MARCHF1: variants seen among roughly 807,000 people sequenced by gnomAD.
The protein encoded by MARCHF1 is membrane associated ring-CH-type finger 1.
A neutral mutation model predicts 54.2 loss-of-function variants in MARCHF1; 40 were observed. The ratio of observed to expected loss-of-function variants is 0.74; its 90% CI spans 0.57 to 0.96. MARCHF1 has a LOEUF of 0.96. Ranked by LOEUF, MARCHF1 falls within the 40% of genes least tolerant of loss-of-function variation. The pLI is 0.00. For synonymous variants in MARCHF1, 236 were observed against 236.3 expected, an observed-to-expected ratio of 1.00 and a Z score of 0.01; for missense variants, 586 against 656.5, an observed-to-expected ratio of 0.89 and a Z score of 1.17.
At chr4:164,111,380 G>T (rs1235979876) in intron 2 of MARCHF1, among the ~76,000 whole-genome samples, 1 of 151,586 alleles carries the variant, frequency 6.6e-6, no homozygotes, top group Non-Finnish European at 1.5e-5. Flanking sequence ...TAGATACAAG[G>T]AAACAGAGTT....
At chr4:164,109,932 A>AAAAAAAAAAAAAAAAT (rs1755798645) in intron 2 of MARCHF1, among the ~76,000 whole-genome samples, 1 of 150,044 alleles carries the variant, frequency 6.7e-6, no homozygotes, top group Non-Finnish European at 1.5e-5. Flanking sequence ...AAAAAAAAAA[A>AAAAAAAAAAAAAAAAT]AAAAGAAAAT....
rs558957566 is a variant in MARCHF1 at position 163,837,667 on chromosome 4, A to G, written c.111+16354T>C. Among the ~76,000 whole-genome samples the G allele has an allele frequency of 3.5e-4, 54 of 152,338 alleles. No homozygotes were observed. The East Asian group carries it at 0.01, about 29-fold the overall frequency. On this transcript the variant is annotated intron_variant, in intron 4 of 9. Coordinates refer to ENST00000514618, the MANE Select transcript of MARCHF1 (RefSeq NM_001394959.1). ...TGCAACTAATACATAGCTTCAAAAT[A>G]TAAAGAAAACAAATTAACAAAATTA... is the stretch of plus-strand genomic sequence containing the variant.
chr4:164,348,393 C>T (rs1579741391), intron 1 of MARCHF1, among the ~76,000 whole-genome samples: 2 of 152,246 alleles, frequency 1.3e-5, no homozygotes, highest in South Asian at 2.1e-4. Flanking sequence ...TCTTTCACTT[C>T]TACATGAATG....
intron 1 of MARCHF1, among the ~76,000 whole-genome samples, chr4:164,281,612 G>A (rs562254111): frequency 6.6e-6 from 1 of 152,250 alleles, no homozygotes; most frequent in East Asian, 1.9e-4. Flanking sequence ...GAATTATAGG[G>A]GAACTAAGAG....
chr4:164,091,862 TTG>T (rs56160451), intron 2 of MARCHF1, among the ~76,000 whole-genome samples: 45,416 of 148,416 alleles, frequency 0.31, 7,146 homozygotes, highest in Non-Finnish European at 0.36. Context: ...ATGTATACTT[TTG>T]TGTGTGTGTG....
chr4:164,124,934 A>G (rs999050233), intron 1 of MARCHF1, among the ~76,000 whole-genome samples: 1 of 152,190 alleles, frequency 6.6e-6, no homozygotes, highest in African/African-American at 2.4e-5. Context: ...CTTAGAGTAT[A>G]ATCGGATTGT....
chr4:163,566,205 G>A (rs1204936856), intron 8 of MARCHF1, among the ~76,000 whole-genome samples: 1 of 152,216 alleles, frequency 6.6e-6, no homozygotes, highest in Non-Finnish European at 1.5e-5. Context: ...TTAAACTGCA[G>A]TATGAGTTTC....
chr4:163,895,157 G>A (rs771239661), intron 3 of MARCHF1, among the ~76,000 whole-genome samples: 64 of 152,144 alleles, frequency 4.2e-4, no homozygotes, highest in Non-Finnish European at 7.1e-4. Context: ...TATATAAGAC[G>A]TATGTGTGTA....
intron 8 of MARCHF1, among the ~76,000 whole-genome samples, chr4:163,563,810 T>C (rs1198108805): frequency 1.3e-5 from 2 of 152,230 alleles, no homozygotes; most frequent in Non-Finnish European, 2.9e-5. Flanking sequence ...CCGAATATTG[T>C]AGTCATTAAC....
intron 3 of MARCHF1, among the ~76,000 whole-genome samples, chr4:163,865,448 T>C (rs574903114): frequency 6.6e-6 from 1 of 152,026 alleles, no homozygotes; most frequent in African/African-American, 2.4e-5. Context: ...ATTTATGGCC[T>C]GCATCTTAAA....
At chr4:163,825,096 T>C (rs1269004174) in intron 4 of MARCHF1, among the ~76,000 whole-genome samples, 6 of 151,998 alleles carry the variant, frequency 3.9e-5, no homozygotes, top group African/African-American at 1.4e-4. Context: ...TTTGATCCTC[T>C]CTCTCTTTCC....
rs989708867 is a variant in MARCHF1 at position 163,527,367 on chromosome 4, A to G, written c.*1381T>C. The G allele has an allele frequency of 1.3e-5, 2 of 152,116 alleles. No individual in the cohort carries two copies. The highest frequency in any genetic ancestry group is 2.9e-5 in the Non-Finnish European group (2 of 67,970). 9.4% of individuals were successfully genotyped at this position (152,116 alleles called of 1,614,324 possible). A position where few individuals can be genotyped will look rare whatever the true frequency, so the allele number is the denominator to read the frequency against. On this transcript the variant is annotated 3_prime_UTR_variant, in exon 10 of 10. Coordinates refer to ENST00000514618, the MANE Select transcript of MARCHF1 (RefSeq NM_001394959.1). ...AAAAGTAAGGGCTAGATTCTTAGTC[A>G]TAATTACTCATCATCTGTCAAGTTG...
At chr4:163,838,782 G>A (rs886349694) in intron 4 of MARCHF1, among the ~76,000 whole-genome samples, 1 of 151,990 alleles carries the variant, frequency 6.6e-6, no homozygotes. Flanking sequence ...AAATGTGAGA[G>A]CTGACACTAC....
intron 1 of MARCHF1, among the ~76,000 whole-genome samples, chr4:164,352,211 C>T (rs1296143068): frequency 2.5e-5 from 3 of 119,710 alleles, no homozygotes; most frequent in African/African-American, 8.5e-5. Context: ...AGGAGAACTT[C>T]CCCAATCTAG....
At chr4:163,752,467 G>A (rs528025648) in intron 4 of MARCHF1, among the ~76,000 whole-genome samples, 1 of 152,120 alleles carries the variant, frequency 6.6e-6, no homozygotes, top group African/African-American at 2.4e-5. Context: ...TCATTTCACT[G>A]TTTAGTAGTT....
intron 1 of MARCHF1, among the ~76,000 whole-genome samples, chr4:164,340,374 G>A (rs1198956157): frequency 7.7e-6 from 1 of 130,460 alleles, no homozygotes; most frequent in African/African-American, 2.7e-5. Context: ...CCGAGTAGCT[G>A]AGACTACAGC....
chr4:163,748,966 T>C (rs1746441073), intron 4 of MARCHF1, among the ~76,000 whole-genome samples: 1 of 152,236 alleles, frequency 6.6e-6, no homozygotes, highest in African/African-American at 2.4e-5. Context: ...CATGTGAACG[T>C]GTAAGGGTCA....
chr4:163,889,229 G>A (rs1750602743), intron 3 of MARCHF1, among the ~76,000 whole-genome samples: 5 of 152,110 alleles, frequency 3.3e-5, no homozygotes, highest in Admixed American at 3.3e-4. Flanking sequence ...CACTGTATTA[G>A]GTACTTTGTT....
intron 2 of MARCHF1, among the ~76,000 whole-genome samples, chr4:164,051,712 A>C (rs1754369859): frequency 6.6e-6 from 1 of 152,160 alleles, no homozygotes; most frequent in Non-Finnish European, 1.5e-5. Context: ...CCTAGGTCTA[A>C]CTGATTCCCT....
Sources: allele counts gnomAD v4.1 joint callset (sites outside exome capture counted in the v4.1 genomes callset), GRCh38; gene constraint gnomAD v4.1.1; transcripts MANE v1.5; gene names NCBI Gene and HGNC (gene_info 2026-07-23, HGNC 2026-07-21).